The following PTPN11 variants were observed in gnomAD, a reference collection of about 807,000 sequenced individuals.
PTPN11 encodes the protein protein tyrosine phosphatase non-receptor type 11.
In PTPN11, 6 loss-of-function variants were observed where a neutral mutation model predicts 78.8. The observed-to-expected ratio is 0.08, with a 90% CI of 0.04 to 0.15. PTPN11 has a LOEUF of 0.15. Ranked by LOEUF, PTPN11 falls within the 10% of genes least tolerant of loss-of-function variation. The pLI, the probability that PTPN11 is intolerant of heterozygous loss-of-function variation, is 1.00. For missense variants in PTPN11, 386 were observed against 744.8 expected (o/e 0.52, Z 5.61); for synonymous variants, 221 against 263.5 (o/e 0.84, Z 1.56).
intron 10 of PTPN11, among the ~76,000 whole-genome samples, chr12:112,485,684 A>G (rs1000084429): frequency 6.6e-6 from 1 of 152,184 alleles, no homozygotes; most frequent in Admixed American, 6.5e-5. Context: ...AGTTTAAAAT[A>G]GAACAATACT....
chr12:112,499,580 C>T (rs1432828443), intron 13 of PTPN11, among the ~76,000 whole-genome samples: 2 of 152,034 alleles, frequency 1.3e-5, no homozygotes, highest in Non-Finnish European at 2.9e-5. Context: ...CCTCAAGTGA[C>T]CACCTGCCTT....
intron 1 of PTPN11, among the ~76,000 whole-genome samples, chr12:112,424,518 G>A (rs2037574408): frequency 6.6e-6 from 1 of 152,150 alleles, no homozygotes. Flanking sequence ...GATGAGACAA[G>A]TGATGAGAGA....
chr12:112,497,171 C>CAA (rs59581934), intron 13 of PTPN11, among the ~76,000 whole-genome samples: 29 of 73,502 alleles, frequency 3.9e-4, no homozygotes, highest in African/African-American at 5.3e-4. Context: ...GACTCTGTCT[C>CAA]AAAAAAAAAA....
intron 1 of PTPN11, among the ~76,000 whole-genome samples, chr12:112,442,811 C>CCT (rs1213962210): frequency 3.6e-5 from 4 of 112,576 alleles, no homozygotes; most frequent in Admixed American, 9.9e-5. Context: ...TACTCTCTCT[C>CCT]CTCTCTCTCT....
intron 2 of PTPN11, among the ~76,000 whole-genome samples, chr12:112,446,968 T>C (rs1023049884): frequency 6.6e-6 from 1 of 152,046 alleles, no homozygotes; most frequent in Non-Finnish European, 1.5e-5. Flanking sequence ...TGGGCTTAAG[T>C]GATCCTCCCG....
At chr12:112,429,347 G>C (rs1414641616) in intron 1 of PTPN11, among the ~76,000 whole-genome samples, 1 of 152,098 alleles carries the variant, frequency 6.6e-6, no homozygotes, top group Non-Finnish European at 1.5e-5. Flanking sequence ...TAGCATAATT[G>C]TAAGTTGTAA....
intron 6 of PTPN11, among the ~76,000 whole-genome samples, chr12:112,468,501 AAT>A (rs2135888852): frequency 6.6e-6 from 1 of 152,258 alleles, no homozygotes; most frequent in African/African-American, 2.4e-5. Context: ...TGGGAAATGA[AAT>A]ATGTTTAGGC....
chr12:112,489,500 G>A (rs1592855026), intron 13 of PTPN11, among the ~76,000 whole-genome samples: 1 of 152,278 alleles, frequency 6.6e-6, no homozygotes, highest in South Asian at 2.1e-4. Context: ...TTTCTAGCCT[G>A]TTCCAGCCTT....
At chr12:112,421,290 A>G (rs1047577787) in intron 1 of PTPN11, among the ~76,000 whole-genome samples, 1 of 152,202 alleles carries the variant, frequency 6.6e-6, no homozygotes, top group Admixed American at 6.5e-5. Context: ...TAAATGTACA[A>G]TTTGATCAGT....
At chr12:112,494,921 G>A (rs1185879435) in intron 13 of PTPN11, among the ~76,000 whole-genome samples, 1 of 152,264 alleles carries the variant, frequency 6.6e-6, no homozygotes, top group Non-Finnish European at 1.5e-5. Context: ...TATTGCCCAC[G>A]TGTAGGCTAA....
At chr12:112,473,491 T>C (rs991649740) in intron 7 of PTPN11, among the ~76,000 whole-genome samples, 10 of 152,106 alleles carry the variant, frequency 6.6e-5, no homozygotes, top group African/African-American at 2.2e-4. Context: ...AGAACTGTTC[T>C]GCTTGCTGAT....
At chr12:112,486,943 T>G (rs1413472808) in intron 11 of PTPN11, 2 of 1,330,026 alleles carry the variant, frequency 1.5e-6, no homozygotes, top group Non-Finnish European at 1.9e-6. Flanking sequence ...TTCTCCTTAT[T>G]CTTCATGATG....
intron 1 of PTPN11, among the ~76,000 whole-genome samples, chr12:112,442,161 A>G (rs1391766066): frequency 2.6e-5 from 4 of 152,186 alleles, no homozygotes; most frequent in African/African-American, 7.2e-5. Flanking sequence ...ATGGGTTTTA[A>G]AAAACATTTT....
chr12:112,482,148 A>G lies in PTPN11; in HGVS notation c.1167A>G (p.Lys389=). 6.2e-7 allele frequency: 1 copy of G among 1,613,330 alleles called. No homozygotes were observed. The highest frequency in any genetic ancestry group is 8.5e-7 in the Non-Finnish European group (1 of 1,179,268). The change falls in exon 10 of 16, where the codon AAA becomes AAG. Residue 389 remains lysine (K), a synonymous_variant. Transcript: ENST00000351677. The surrounding 1 kb of genome is among the most constrained non-coding windows in gnomAD (Gnocchi z 4.4). ...EYGVMRVRNV[K]ESAAHDYTLR... ...GCGTCATGCGTGTTAGGAACGTCAA[A>G]GAAAGCGCCGCTCATGACTATACGC... is the stretch of plus-strand genomic sequence containing the variant.
At chr12:112,495,350 T>TG (rs1039865951) in intron 13 of PTPN11, among the ~76,000 whole-genome samples, 3 of 152,374 alleles carry the variant, frequency 2.0e-5, no homozygotes, top group Non-Finnish European at 4.4e-5. Context: ...AGGCTTTCCT[T>TG]GTTTTTCATG....
chr12:112,465,107 G>T (rs1222777752), intron 6 of PTPN11, among the ~76,000 whole-genome samples: 2 of 152,142 alleles, frequency 1.3e-5, no homozygotes, highest in Non-Finnish European at 2.9e-5. Context: ...CCTGTGCATT[G>T]TGGCGAGGTG....
intron 14 of PTPN11, among the ~76,000 whole-genome samples, chr12:112,503,988 A>G (rs1416341809): frequency 3.9e-5 from 6 of 152,126 alleles, no homozygotes; most frequent in African/African-American, 1.4e-4. Context: ...TAGATCTCTC[A>G]TCACTGCCTG....
chr12:112,472,005 A>G (rs2038425891), intron 6 of PTPN11, among the ~76,000 whole-genome samples: 1 of 152,046 alleles, frequency 6.6e-6, no homozygotes, highest in South Asian at 2.1e-4. Context: ...CATATTGGCC[A>G]GTCTGTTTGT....
chr12:112,466,463 C>T (rs926360329), intron 6 of PTPN11, among the ~76,000 whole-genome samples: 1 of 152,148 alleles, frequency 6.6e-6, no homozygotes, highest in African/African-American at 2.4e-5. Context: ...TTTTGGGAGG[C>T]TGAAGTGGGA....
Sources: gnomAD v4.1 joint callset for allele counts (sites outside exome capture counted in the v4.1 genomes callset) on GRCh38, gnomAD v4.1.1 for gene constraint, Gnocchi (gnomAD v3.1) non-coding constraint, MANE v1.5 for transcripts, NCBI Gene and HGNC (gene_info 2026-07-23, HGNC 2026-07-21) for gene names.